Variants in CSRNP3 observed in about 807,000 individuals in gnomAD.
The protein encoded by CSRNP3 is cysteine and serine rich nuclear protein 3, also known as cysteine/serine-rich nuclear protein 3.
CSRNP3 carries 12 observed loss-of-function variants against 48.0 expected under a neutral mutation model. The observed-to-expected ratio is 0.25, with a 90% CI of 0.16 to 0.41. The LOEUF (loss-of-function observed/expected upper bound fraction) is 0.41, where lower values mean the gene tolerates loss of function less well. CSRNP3 is among the 10% of genes least tolerant of loss of function. The pLI, the probability that CSRNP3 is intolerant of heterozygous loss-of-function variation, is 1.00. For missense variants in CSRNP3, 580 were observed against 724.4 expected, an observed-to-expected ratio of 0.80 and a Z score of 2.29; for synonymous variants, 263 against 269.7, an observed-to-expected ratio of 0.98 and a Z score of 0.24.
rs930668754 is a variant in CSRNP3, at chr2:165,613,667, A to T, written c.148+18454A>T. On this transcript the variant is annotated intron_variant, in intron 4 of 6. Transcript: ENST00000651982. ...TATTGAAAAGACTTATCCTTCCCCC[A>T]TTGTATGTTCTTGCCAGCTCTGTTG... 4.6e-5 allele frequency among the ~76,000 whole-genome samples: 7 copies of T among 152,058 alleles called. No individual in the cohort carries two copies. The East Asian group carries it at 7.7e-4, about 17-fold the overall frequency.
intron 4 of CSRNP3, among the ~76,000 whole-genome samples, chr2:165,652,852 CTAAT>C (rs979192252): frequency 4.6e-5 from 7 of 152,158 alleles, no homozygotes; most frequent in African/African-American, 1.2e-4. Context: ...CAAAAACAGA[CTAAT>C]TAATTTTCAG....
chr2:165,661,391 A>G (rs917917101), intron 5 of CSRNP3, among the ~76,000 whole-genome samples: 48 of 152,150 alleles, frequency 3.2e-4, no homozygotes, highest in Non-Finnish European at 6.2e-4. Flanking sequence ...ACATTGGCCT[A>G]CCGGAGAGGA....
intron 4 of CSRNP3, among the ~76,000 whole-genome samples, chr2:165,644,602 C>A (rs937891242): frequency 6.6e-6 from 1 of 152,086 alleles, no homozygotes; most frequent in Non-Finnish European, 1.5e-5. Context: ...GACACACACA[C>A]GCTCACATTT....
chr2:165,571,138 T>C (rs1685367536), intron 3 of CSRNP3, among the ~76,000 whole-genome samples: 1 of 151,966 alleles, frequency 6.6e-6, no homozygotes, highest in Non-Finnish European at 1.5e-5. Context: ...ATTCACTTTT[T>C]AATTACTGAA....
intron 1 of CSRNP3, among the ~76,000 whole-genome samples, chr2:165,490,282 C>T (rs1684185154): frequency 6.7e-6 from 1 of 150,368 alleles, no homozygotes; most frequent in South Asian, 2.1e-4. Context: ...CAAACCACTG[C>T]TCAATGAAAT....
At chr2:165,545,129 G>A (rs1205948669) in intron 3 of CSRNP3, among the ~76,000 whole-genome samples, 1 of 152,192 alleles carries the variant, frequency 6.6e-6, no homozygotes, top group Non-Finnish European at 1.5e-5. Context: ...ACACCATGGA[G>A]ACCACTGGTG....
chr2:165,493,790 C>G (rs1039965908), intron 1 of CSRNP3, among the ~76,000 whole-genome samples: 1 of 152,052 alleles, frequency 6.6e-6, no homozygotes, highest in African/African-American at 2.4e-5. Flanking sequence ...CATTTTCCTT[C>G]AGGTGAAATA....
intron 6 of CSRNP3, among the ~76,000 whole-genome samples, chr2:165,677,258 A>G (rs1687442091): frequency 6.6e-6 from 1 of 152,210 alleles, no homozygotes; most frequent in African/African-American, 2.4e-5. Flanking sequence ...TTTTCTTTAC[A>G]TATTGCCTAT....
chr2:165,593,083 G>C (rs955181954), intron 3 of CSRNP3, among the ~76,000 whole-genome samples: 5 of 152,232 alleles, frequency 3.3e-5, no homozygotes, highest in Admixed American at 6.5e-5. Flanking sequence ...TTACAGGCGT[G>C]AGCCACCGCG....
intron 3 of CSRNP3, among the ~76,000 whole-genome samples, chr2:165,541,093 T>C (rs985747239): frequency 1.3e-5 from 2 of 152,004 alleles, no homozygotes; most frequent in Non-Finnish European, 2.9e-5. Flanking sequence ...CCTATTTTAT[T>C]TGAGTATTTA....
Position 165,536,197 on chromosome 2 carries a change from A to C in CSRNP3, c.-24+18236A>C, listed in dbSNP as rs142820032. On this transcript the variant is annotated intron_variant, in intron 3 of 6. Transcript: ENST00000651982. ...CTGTTCTAAGCTTTTTTCAGTTTAA[A>C]TATAATAGCGTCTTATGTATTCTAT... 9.8e-3 allele frequency among the ~76,000 whole-genome samples: 1,497 copies of C among 152,022 alleles called. 15 individuals are homozygous for C. The highest frequency in any genetic ancestry group is 0.041 in the Middle Eastern group (12 of 294).
intron 3 of CSRNP3, among the ~76,000 whole-genome samples, chr2:165,587,238 T>C (rs1432007314): frequency 6.6e-6 from 1 of 152,242 alleles, no homozygotes; most frequent in Non-Finnish European, 1.5e-5. Context: ...AAGTAGTTCT[T>C]ATTTAAATTT....
intron 3 of CSRNP3, among the ~76,000 whole-genome samples, chr2:165,560,524 T>C (rs1685219489): frequency 6.6e-6 from 1 of 152,204 alleles, no homozygotes; most frequent in Non-Finnish European, 1.5e-5. Flanking sequence ...ACACTATCTT[T>C]TCTCTCTGCC....
intron 4 of CSRNP3, among the ~76,000 whole-genome samples, chr2:165,625,499 C>T (rs990395962): frequency 4.6e-5 from 7 of 150,576 alleles, no homozygotes; most frequent in Non-Finnish European, 1.0e-4. Flanking sequence ...CTGAGCGTGG[C>T]GGCAGGTGCT....
intron 2 of CSRNP3, among the ~76,000 whole-genome samples, chr2:165,499,636 A>T (rs544562071): frequency 6.6e-6 from 1 of 152,308 alleles, no homozygotes; most frequent in South Asian, 2.1e-4. Flanking sequence ...TAGTTAAGTA[A>T]GTCTCAAAAA....
Position 165,574,454 on chromosome 2 carries a change from G to A in CSRNP3, c.-23-20589G>A, listed in dbSNP as rs763256288. 3 of 1,503,772 alleles carry A rather than the reference G, an allele frequency of 2.0e-6. No individual in the cohort carries two copies. The East Asian group carries it at 7.5e-5, about 38-fold the overall frequency. 93.2% of individuals were successfully genotyped at this position (1,503,772 alleles called of 1,614,324 possible). A position where few individuals can be genotyped will look rare whatever the true frequency, so the allele number is the denominator to read the frequency against. On this transcript the variant is annotated intron_variant, in intron 3 of 6. Coordinates refer to ENST00000651982, the MANE Select transcript of CSRNP3 (RefSeq NM_001172173.2). Reference sequence around the variant, plus strand: ...CAGGTATGGTGACATTTCATGATGCGCCTGATTTTATTTCTATTAAAGACA... The same window carrying A: ...CAGGTATGGTGACATTTCATGATGCACCTGATTTTATTTCTATTAAAGACA...
At chr2:165,533,101 G>C (rs914231539) in intron 3 of CSRNP3, among the ~76,000 whole-genome samples, 1 of 151,888 alleles carries the variant, frequency 6.6e-6, no homozygotes, top group African/African-American at 2.4e-5. Flanking sequence ...CTTCAACAGG[G>C]GTTTGATCTC....
At chr2:165,614,056 T>C (rs1686187877) in intron 4 of CSRNP3, among the ~76,000 whole-genome samples, 1 of 152,176 alleles carries the variant, frequency 6.6e-6, no homozygotes, top group Non-Finnish European at 1.5e-5. Context: ...ATTTTTTGTG[T>C]CCTCTTCAAT....
chr2:165,574,271 C>A, intron 3 of CSRNP3: 1 of 1,020,072 alleles, frequency 9.8e-7, no homozygotes. Flanking sequence ...GAAGGGAGTT[C>A]AAAGGTCACA....
Sources: allele counts gnomAD v4.1 joint callset (sites outside exome capture counted in the v4.1 genomes callset), GRCh38; gene constraint gnomAD v4.1.1; transcripts MANE v1.5; gene names NCBI Gene and HGNC (gene_info 2026-07-23, HGNC 2026-07-21).